DPP10: variants seen among roughly 807,000 people sequenced by gnomAD.
DPP10 encodes the protein inactive dipeptidyl peptidase 10.
Under a neutral mutation model 120.9 loss-of-function variants are expected in DPP10, and 33 were observed. The observed-to-expected ratio is 0.27, with a 90% CI of 0.21 to 0.37. The LOEUF is 0.37. Ranked by LOEUF, DPP10 falls within the 10% of genes least tolerant of loss-of-function variation. The pLI, the probability that DPP10 is intolerant of heterozygous loss-of-function variation, is 1.00. For missense variants in DPP10, 816 were observed against 942.8 expected (o/e 0.87, Z 1.76); for synonymous variants, 337 against 326.1 (o/e 1.03, Z -0.36).
At chr2:114,714,149 G>T (rs1005780419) in intron 1 of DPP10, among the ~76,000 whole-genome samples, 1 of 151,764 alleles carries the variant, frequency 6.6e-6, no homozygotes, top group Non-Finnish European at 1.5e-5. Flanking sequence ...GTGTGTTGGG[G>T]AAGGTTGAGG....
intron 1 of DPP10, among the ~76,000 whole-genome samples, chr2:114,830,506 C>T (rs981689679): frequency 7.2e-5 from 11 of 152,202 alleles, no homozygotes; most frequent in Non-Finnish European, 1.0e-4. Flanking sequence ...CTCTTAACTT[C>T]GCCTTTCTAT....
At chr2:114,462,502 T>A (rs1679011735) in intron 1 of DPP10, among the ~76,000 whole-genome samples, 2 of 152,198 alleles carry the variant, frequency 1.3e-5, no homozygotes, top group African/African-American at 4.8e-5. Flanking sequence ...AGGATGTGAC[T>A]CAAGTCGATT....
chr2:115,765,307 A>AGAAC (rs1419688004), intron 12 of DPP10, among the ~76,000 whole-genome samples: 10 of 152,296 alleles, frequency 6.6e-5, no homozygotes, highest in African/African-American at 2.2e-4. Flanking sequence ...GTACAAAGGG[A>AGAAC]GAACGGTAAG....
At chr2:114,658,082 T>C (rs141554031) in intron 1 of DPP10, among the ~76,000 whole-genome samples, 1 of 152,350 alleles carries the variant, frequency 6.6e-6, no homozygotes, top group Non-Finnish European at 1.5e-5. Flanking sequence ...GTTGAAAATA[T>C]ATACACATTT....
At chr2:114,547,820 A>T (rs907583333) in intron 1 of DPP10, among the ~76,000 whole-genome samples, 4 of 152,198 alleles carry the variant, frequency 2.6e-5, no homozygotes, top group Non-Finnish European at 5.9e-5. Context: ...GTCACTGTGG[A>T]AGAGTGTAGA....
chr2:114,534,679 C>A (rs1025667053), intron 1 of DPP10, among the ~76,000 whole-genome samples: 2 of 151,412 alleles, frequency 1.3e-5, no homozygotes, highest in African/African-American at 2.4e-5. Context: ...GCTTGATGTC[C>A]CTAGAAACCT....
intron 1 of DPP10, among the ~76,000 whole-genome samples, chr2:115,003,215 G>A (rs1332363891): frequency 1.4e-5 from 2 of 147,668 alleles, no homozygotes; most frequent in Non-Finnish European, 3.0e-5. Context: ...GTCCTTTGCA[G>A]TGACATGGGT....
At chr2:115,377,941 T>A (rs1179795553) in intron 3 of DPP10, among the ~76,000 whole-genome samples, 1 of 151,956 alleles carries the variant, frequency 6.6e-6, no homozygotes, top group Non-Finnish European at 1.5e-5. Flanking sequence ...TACCATGCTG[T>A]TTTGGTTACT....
chr2:114,778,475 A>G (rs1681966071), intron 1 of DPP10, among the ~76,000 whole-genome samples: 1 of 151,962 alleles, frequency 6.6e-6, no homozygotes, highest in Admixed American at 6.6e-5. Flanking sequence ...TTTATTTCTT[A>G]TTTATGTTAC....
At chr2:115,747,861 G>A (rs996078461) in intron 10 of DPP10, among the ~76,000 whole-genome samples, 6 of 152,112 alleles carry the variant, frequency 3.9e-5, no homozygotes, top group African/African-American at 1.4e-4. Flanking sequence ...CCAAAATGCC[G>A]GGATTACAGG....
At chr2:114,591,495 G>C (rs1691455201) in intron 1 of DPP10, among the ~76,000 whole-genome samples, 1 of 151,374 alleles carries the variant, frequency 6.6e-6, no homozygotes, top group African/African-American at 2.4e-5. Flanking sequence ...AAATAAGTGA[G>C]AGTTTTTCCA....
chr2:115,344,513 G>A (rs1312873896), intron 3 of DPP10, among the ~76,000 whole-genome samples: 1 of 152,080 alleles, frequency 6.6e-6, no homozygotes, highest in Admixed American at 6.6e-5. Flanking sequence ...TTACAAGCTA[G>A]TGAGACTCTA....
At chr2:115,798,065 G>A (rs1684745114) in intron 19 of DPP10, among the ~76,000 whole-genome samples, 1 of 151,692 alleles carries the variant, frequency 6.6e-6, no homozygotes, top group African/African-American at 2.4e-5. Context: ...TTATATGAAT[G>A]ATATAATATG....
chr2:115,046,574 C>A (rs1705088994), intron 1 of DPP10, among the ~76,000 whole-genome samples: 1 of 152,114 alleles, frequency 6.6e-6, no homozygotes, highest in East Asian at 1.9e-4. Flanking sequence ...TAATTTCCAA[C>A]CACAGAATTC....
intron 1 of DPP10, among the ~76,000 whole-genome samples, chr2:114,486,247 G>T (rs184943789): frequency 5.9e-5 from 9 of 151,850 alleles, no homozygotes; most frequent in Admixed American, 5.9e-4. Flanking sequence ...ATTGTACACT[G>T]CATTTCAATT....
intron 1 of DPP10, among the ~76,000 whole-genome samples, chr2:114,836,521 G>C (rs1232439983): frequency 1.3e-5 from 2 of 152,138 alleles, no homozygotes; most frequent in Non-Finnish European, 2.9e-5. Context: ...GGTCACAAGA[G>C]ATCACGTGGT....
At chr2:114,835,147 A>C (rs1343822203) in intron 1 of DPP10, 1 of 150,110 alleles carries the variant, frequency 6.7e-6, no homozygotes, top group South Asian at 2.1e-4. Flanking sequence ...CTACACACCT[A>C]TGTATATATA....
chr2:114,644,583 G>A (rs1485265303), intron 1 of DPP10, among the ~76,000 whole-genome samples: 2 of 151,806 alleles, frequency 1.3e-5, no homozygotes, highest in Non-Finnish European at 2.9e-5. Context: ...TGGATGCAGG[G>A]CCCTGGAATC....
Position 115,739,832 on chromosome 2 carries a change from T to C in DPP10, c.791T>C (p.Met264Thr), listed in dbSNP as rs368566942. 3.1e-5 allele frequency: 50 copies of C among 1,613,416 alleles called. No homozygotes were observed. The highest frequency in any genetic ancestry group is 4.0e-5 in the Non-Finnish European group (47 of 1,179,576). ...LMINDSLVPT[M>T]VIPRFTGALY... Reference sequence around the variant, plus strand: ...ATAAATGACTCTTTGGTACCCACCATGGTTATCCCTCGGTTTACTGGAGCG... The same window carrying C: ...ATAAATGACTCTTTGGTACCCACCACGGTTATCCCTCGGTTTACTGGAGCG... Residue 264 changes from methionine (M) to threonine (T), a missense_variant, in exon 9 of 26, where the codon ATG becomes ACG. Met to Thr is a moderately conservative substitution (Grantham distance 81). Coordinates refer to ENST00000410059, the MANE Select transcript of DPP10 (RefSeq NM_020868.6).
Sources: allele counts gnomAD v4.1 joint callset (sites outside exome capture counted in the v4.1 genomes callset), GRCh38; gene constraint gnomAD v4.1.1; transcripts MANE v1.5; gene names NCBI Gene and HGNC (gene_info 2026-07-23, HGNC 2026-07-21).